The following DCC variants were observed in gnomAD, a reference collection of about 807,000 sequenced individuals.
DCC encodes the protein DCC netrin 1 receptor, also known as netrin receptor DCC.
A neutral mutation model predicts 172.5 loss-of-function variants in DCC; 58 were observed. The observed-to-expected ratio is 0.34, with a 90% CI of 0.27 to 0.42. The LOEUF is 0.42. Among genes scored for constraint, DCC ranks in the 10% least tolerant of loss-of-function variants. The pLI is 1.00. For synonymous variants in DCC, 709 were observed against 644.5 expected (o/e 1.10, Z -1.52); for missense variants, 1,740 against 1,791.0 (o/e 0.97, Z 0.51).
chr18:52,673,532 G>T (rs2035592373), intron 1 of DCC, among the ~76,000 whole-genome samples: 1 of 152,102 alleles, frequency 6.6e-6, no homozygotes, highest in South Asian at 2.1e-4. Flanking sequence ...ATAGTCGCAT[G>T]GTTTGTCACT....
chr18:52,446,251 C>G (rs542760771), intron 1 of DCC, among the ~76,000 whole-genome samples: 7 of 152,296 alleles, frequency 4.6e-5, no homozygotes, highest in African/African-American at 1.7e-4. Context: ...TCAAAATCTA[C>G]TTTGCCTGTA....
Position 52,817,872 on chromosome 18 carries a change from A to T in DCC, c.412+65498A>T, listed in dbSNP as rs544941218. On this transcript the variant is annotated intron_variant, in intron 2 of 28. Coordinates refer to ENST00000442544, the MANE Select transcript of DCC (RefSeq NM_005215.4). ...CACATATAATGAAATACAGTACTCA[A>T]GGAGACCAAAAAGAGAATGAGGGTA... Among the ~76,000 whole-genome samples the T allele has an allele frequency of 1.6e-4, 25 of 152,308 alleles. No homozygotes were observed. In the South Asian group the frequency reaches 5.2e-3, roughly 32 times the overall value.
intron 1 of DCC, among the ~76,000 whole-genome samples, chr18:52,639,931 A>G (rs1361768459): frequency 6.6e-6 from 1 of 152,162 alleles, no homozygotes; most frequent in Non-Finnish European, 1.5e-5. Flanking sequence ...CTACAGACTG[A>G]TATCCTTGAT....
At chr18:52,774,363 G>GA (rs778564940) in intron 2 of DCC, among the ~76,000 whole-genome samples, 6 of 152,114 alleles carry the variant, frequency 3.9e-5, no homozygotes, top group Non-Finnish European at 5.9e-5. Flanking sequence ...TCAGTACCAA[G>GA]AAAAAACCCC....
At chr18:53,208,740 C>G (rs1196341640) in intron 11 of DCC, among the ~76,000 whole-genome samples, 3 of 151,964 alleles carry the variant, frequency 2.0e-5, no homozygotes, top group Admixed American at 6.6e-5. Flanking sequence ...TTTTCTTTTC[C>G]TTTTTTGGAA....
intron 26 of DCC, among the ~76,000 whole-genome samples, chr18:53,499,072 A>G (rs1303444837): frequency 6.6e-6 from 1 of 152,218 alleles, no homozygotes; most frequent in East Asian, 1.9e-4. Flanking sequence ...TCTTTCTCAA[A>G]GATAAATTCC....
intron 12 of DCC, among the ~76,000 whole-genome samples, chr18:53,288,741 C>CTAGTTAGAAGTTGGAACTTCT (rs921993898): frequency 6.6e-6 from 1 of 152,076 alleles, no homozygotes; most frequent in African/African-American, 2.4e-5. Context: ...TAAACTACTT[C>CTAGTTAGAAGTTGGAACTTCT]TAACTGTTCT....
chr18:53,359,191 A>C (rs1182607586), intron 15 of DCC, among the ~76,000 whole-genome samples: 1 of 152,158 alleles, frequency 6.6e-6, no homozygotes, highest in Non-Finnish European at 1.5e-5. Flanking sequence ...ACTTGAGTGC[A>C]GGTTTTGGAG....
intron 2 of DCC, among the ~76,000 whole-genome samples, chr18:52,869,872 G>A (rs1415200396): frequency 6.6e-6 from 1 of 152,170 alleles, no homozygotes; most frequent in Admixed American, 6.5e-5. Context: ...CCCCAAGCCT[G>A]GGGGGTAAAG....
chr18:52,747,736 A>G (rs7238671), intron 1 of DCC, among the ~76,000 whole-genome samples: 30,583 of 152,146 alleles, frequency 0.2, 4,383 homozygotes, highest in African/African-American at 0.4. Flanking sequence ...ATTTTATATT[A>G]AGAAATTATA....
intron 12 of DCC, among the ~76,000 whole-genome samples, chr18:53,292,696 A>G (rs1056463642): frequency 2.0e-5 from 3 of 151,224 alleles, no homozygotes; most frequent in Non-Finnish European, 4.4e-5. Flanking sequence ...TCTCAAAACA[A>G]AAACAAAAAC....
At chr18:52,745,325 C>T (rs1000772006) in intron 1 of DCC, among the ~76,000 whole-genome samples, 4 of 152,066 alleles carry the variant, frequency 2.6e-5, no homozygotes, top group Admixed American at 1.3e-4. Context: ...CACAAGAACC[C>T]CCTTGCTCCA....
At chr18:52,811,169 C>T (rs2038190502) in intron 2 of DCC, among the ~76,000 whole-genome samples, 1 of 152,194 alleles carries the variant, frequency 6.6e-6, no homozygotes, top group African/African-American at 2.4e-5. Context: ...AAAGGATCAG[C>T]CTATATCACA....
At chr18:53,157,701 A>G (rs116701538) in intron 8 of DCC, among the ~76,000 whole-genome samples, 189 bp downstream of exon 8, 3,125 of 152,282 alleles carry the variant, frequency 0.021, 96 homozygotes, top group African/African-American at 0.068. Flanking sequence ...CAGTCTAATG[A>G]AATTATCTGT....
intron 18 of DCC, among the ~76,000 whole-genome samples, chr18:53,399,182 T>A (rs1047844507): frequency 5.3e-5 from 8 of 152,158 alleles, no homozygotes; most frequent in African/African-American, 1.9e-4. Flanking sequence ...GAGACAGGCA[T>A]CAGCCTTATT....
intron 1 of DCC, among the ~76,000 whole-genome samples, chr18:52,702,995 T>C (rs1257323449): frequency 1.3e-5 from 2 of 152,210 alleles, no homozygotes; most frequent in Non-Finnish European, 2.9e-5. Context: ...TGAGTGTAAA[T>C]ACTTTACCTA....
intron 1 of DCC, among the ~76,000 whole-genome samples, chr18:52,665,449 A>G (rs1365478502): frequency 6.6e-6 from 1 of 152,230 alleles, no homozygotes; most frequent in African/African-American, 2.4e-5. Context: ...TATATAAAAT[A>G]TTTAAATTGT....
intron 7 of DCC, among the ~76,000 whole-genome samples, chr18:53,134,170 T>C (rs573067291): frequency 1.3e-5 from 2 of 152,344 alleles, no homozygotes; most frequent in East Asian, 3.9e-4. Flanking sequence ...GTTGCTGTAC[T>C]GCAGGTTTAT....
intron 1 of DCC, among the ~76,000 whole-genome samples, chr18:52,532,783 T>G (rs1367668334): frequency 6.6e-6 from 1 of 152,102 alleles, no homozygotes; most frequent in Non-Finnish European, 1.5e-5. Flanking sequence ...TGAACTGTCA[T>G]GGGTGGCTGA....
Sources: allele counts gnomAD v4.1 joint callset (sites outside exome capture counted in the v4.1 genomes callset), GRCh38; gene constraint gnomAD v4.1.1; transcripts MANE v1.5; gene names NCBI Gene and HGNC (gene_info 2026-07-23, HGNC 2026-07-21).